Variants in FADS2 observed in about 807,000 individuals in gnomAD.
FADS2 encodes the protein acyl-CoA 6-desaturase.
Under a neutral mutation model 61.2 loss-of-function variants are expected in FADS2, and 18 were observed. The observed-to-expected ratio is 0.29, with a 90% CI of 0.20 to 0.44. The LOEUF (loss-of-function observed/expected upper bound fraction) is 0.44, where lower values mean the gene tolerates loss of function less well. Ranked by LOEUF, FADS2 falls within the 20% of genes least tolerant of loss-of-function variation. FADS2 has a pLI of 1.00. For synonymous variants in FADS2, 203 were observed against 223.9 expected (o/e 0.91, Z 0.83); for missense variants, 322 against 572.7 (o/e 0.56, Z 4.47).
At chr11:61,834,760 C>T (rs1212197351) in intron 1 of FADS2, among the ~76,000 whole-genome samples, 2 of 152,128 alleles carry the variant, frequency 1.3e-5, no homozygotes, top group Non-Finnish European at 2.9e-5. Flanking sequence ...TCTCAAAGGC[C>T]GTGGTGTGAT....
At chr11:61,835,918 A>C (rs2067170506) in intron 1 of FADS2, among the ~76,000 whole-genome samples, 2 of 152,228 alleles carry the variant, frequency 1.3e-5, no homozygotes, top group Admixed American at 6.5e-5. Context: ...GAGATGCTCT[A>C]ACATCATCAC....
At chr11:61,839,738 A>G (rs2067203336) in intron 2 of FADS2, among the ~76,000 whole-genome samples, 1 of 152,170 alleles carries the variant, frequency 6.6e-6, no homozygotes, top group Non-Finnish European at 1.5e-5. Flanking sequence ...TTGAAATTCC[A>G]CATCCATTAA....
chr11:61,821,274 C>T, intron 1 of FADS2: 2 of 626,372 alleles, frequency 3.2e-6, no homozygotes, highest in Admixed American at 2.7e-5. Context: ...AATCCCAGTG[C>T]TTTGGGAGGC....
At chr11:61,832,627 C>T (rs1392315742) in intron 1 of FADS2, among the ~76,000 whole-genome samples, 2 of 152,210 alleles carry the variant, frequency 1.3e-5, no homozygotes, top group African/African-American at 4.8e-5. Flanking sequence ...CACTGCCCCA[C>T]CAGCCTCCAT....
rs949172709 is a variant in FADS2, at chr11:61,862,695, A to G, written c.883-277A>G. 4 of 453,622 alleles carry G rather than the reference A, an allele frequency of 8.8e-6. No individual in the cohort carries two copies. In the Admixed American group the frequency reaches 1.4e-4, roughly 16 times the overall value. The allele number at this position is 453,622 out of a possible 1,614,324, so 28.1% of individuals were successfully genotyped here. A position where few individuals can be genotyped will look rare whatever the true frequency, so the allele number is the denominator to read the frequency against. ...GAGAGGGCTGCTGACCCCCACCCCT[A>G]CCCCATGGCTGCCCCTCAGCAGGAG... On this transcript the variant is annotated intron_variant, in intron 7 of 11. Coordinates refer to ENST00000278840, the MANE Select transcript of FADS2 (RefSeq NM_004265.4).
Position 61,842,279 on chromosome 11 carries a change from G to A in FADS2, c.618+1554G>A, listed in dbSNP as rs79374402. 7.4e-4 allele frequency among the ~76,000 whole-genome samples: 112 copies of A among 152,354 alleles called. 3 individuals are homozygous for A. In the East Asian group the frequency reaches 0.021, roughly 28 times the overall value. On this transcript the variant is annotated intron_variant, in intron 4 of 11. Transcript: ENST00000278840. Reference sequence around the variant, plus strand: ...GCTTGCCTGGCCCTGAGCCTGAAGCGGCCTGAGAACCTGGTCTCTGTCCAG... The same window carrying A: ...GCTTGCCTGGCCCTGAGCCTGAAGCAGCCTGAGAACCTGGTCTCTGTCCAG...
At chr11:61,823,044 C>T (rs1273184628) in intron 1 of FADS2, among the ~76,000 whole-genome samples, 1 of 152,198 alleles carries the variant, frequency 6.6e-6, no homozygotes, top group Non-Finnish European at 1.5e-5. Flanking sequence ...TCCTCGAGCA[C>T]TTAGTATGCA....
In FADS2 at chr11:61,816,660, C is replaced by T; in HGVS notation, c.141+234C>T. Reference sequence around the variant, plus strand: ...CCTTACGGTCGATCACTAGCCACCGCTCCTCGCACCCTGAGCGCTGGGCCA... The same window carrying T: ...CCTTACGGTCGATCACTAGCCACCGTTCCTCGCACCCTGAGCGCTGGGCCA... On this transcript the variant is annotated intron_variant, in intron 1 of 11. Coordinates refer to the FADS2 transcript ENST00000257261. This position sits in a 1 kb window ranked among gnomAD's most constrained non-coding sequence, Gnocchi z 7.0. 2 of 1,599,616 alleles carry T rather than the reference C, an allele frequency of 1.3e-6. No homozygotes were observed. Among genetic ancestry groups the T allele is most frequent in the South Asian group, 1.1e-5 (1 of 88,832 alleles).
chr11:61,861,371 A>AAAAAAAAACAAAAAAAAC (rs1555078396), intron 7 of FADS2, among the ~76,000 whole-genome samples: 1 of 106,456 alleles, frequency 9.4e-6, no homozygotes, highest in Non-Finnish European at 2.2e-5. Context: ...AAAAAAAAAA[A>AAAAAAAAACAAAAAAAAC]CAGAAATTAG....
At chr11:61,853,228 CTTCTCTT>C (rs2067323112) in intron 5 of FADS2, among the ~76,000 whole-genome samples, 3 of 136,220 alleles carry the variant, frequency 2.2e-5, no homozygotes, top group Non-Finnish European at 4.7e-5. Flanking sequence ...CTCTTTCTTT[CTTCTCTT>C]TCTTTCTTTC....
At chr11:61,823,315 A>G (rs2067047548), upstream of FADS2, among the ~76,000 whole-genome samples, 1 of 152,218 alleles carries the variant, frequency 6.6e-6, no homozygotes, top group African/African-American at 2.4e-5. Context: ...TAGTTGAGAC[A>G]CCTGCAACCT....
upstream of FADS2, among the ~76,000 whole-genome samples, chr11:61,824,394 A>AAGAGAG (rs1193068439): frequency 1.2e-4 from 2 of 17,386 alleles, no homozygotes; most frequent in African/African-American, 4.1e-4. Flanking sequence ...GGGAAAAAAA[A>AAGAGAG]AGAGAGAGAG....
chr11:61,853,299 CCTTCCTTCCTTCCTTCCTT>C (rs2067326505), intron 5 of FADS2, among the ~76,000 whole-genome samples: 1 of 119,074 alleles, frequency 8.4e-6, no homozygotes, highest in African/African-American at 3.4e-5. Flanking sequence ...TCCCTTCCTT[CCTTCCTTCCTTCCTTCCTT>C]CCTTCCTTCC....
At chr11:61,843,789 G>A (rs1188194174) in intron 4 of FADS2, among the ~76,000 whole-genome samples, 1 of 152,052 alleles carries the variant, frequency 6.6e-6, no homozygotes, top group Non-Finnish European at 1.5e-5. Context: ...CTCCCGAGTA[G>A]CTGGGATTAC....
At chr11:61,861,935 G>A (rs2067420948) in intron 7 of FADS2, 1 of 152,238 alleles carries the variant, frequency 6.6e-6, no homozygotes, top group Non-Finnish European at 1.5e-5. Context: ...CAGTGGGTGG[G>A]GATCTATTTT....
Position 61,865,795 on chromosome 11 carries a change from C to T in FADS2, c.*106C>T. On this transcript the variant is annotated 3_prime_UTR_variant, in exon 12 of 12. Coordinates refer to ENST00000278840, the MANE Select transcript of FADS2 (RefSeq NM_004265.4). This position sits in a 1 kb window ranked among gnomAD's most constrained non-coding sequence, Gnocchi z 4.1. ...GGTGTCCGAGAGGCTGGTGTATGCA[C>T]TGCTCACGGACCCCATGTTGGATCT... is the stretch of plus-strand genomic sequence containing the variant. 1 of 893,452 alleles carries T rather than the reference C, an allele frequency of 1.1e-6. No homozygotes were observed. The allele number at this position is 893,452 out of a possible 1,614,324, so 55.3% of individuals were successfully genotyped here. A position where few individuals can be genotyped will look rare whatever the true frequency, so the allele number is the denominator to read the frequency against.
At chr11:61,818,957 A>G (rs1391080261) in intron 1 of FADS2, among the ~76,000 whole-genome samples, 2 of 151,050 alleles carry the variant, frequency 1.3e-5, no homozygotes, top group African/African-American at 4.9e-5. Flanking sequence ...TGCAAGCTCC[A>G]CCTCCCAGGT....
intron 5 of FADS2, among the ~76,000 whole-genome samples, chr11:61,849,996 C>T (rs1323945800): frequency 1.3e-5 from 2 of 152,130 alleles, no homozygotes; most frequent in Non-Finnish European, 2.9e-5. Flanking sequence ...TGCACCACTG[C>T]ACTCCAGCGG....
upstream of FADS2, chr11:61,826,576 C>T (rs1041674854): frequency 1.2e-5 from 7 of 597,812 alleles, no homozygotes; most frequent in African/African-American, 1.3e-4. Flanking sequence ...TCCTCAAGGC[C>T]ACCATACTCT....
Sources: gnomAD v4.1 joint callset for allele counts (sites outside exome capture counted in the v4.1 genomes callset) on GRCh38, gnomAD v4.1.1 for gene constraint, Gnocchi (gnomAD v3.1) non-coding constraint, MANE v1.5 for transcripts, NCBI Gene and HGNC (gene_info 2026-07-23, HGNC 2026-07-21) for gene names.